Variants in HDAC4 observed in about 807,000 individuals in gnomAD.
The protein encoded by HDAC4 is histone deacetylase 4, also known as histone deacetylase A.
HDAC4 carries 16 observed loss-of-function variants against 135.1 expected under a neutral mutation model. The observed-to-expected ratio is 0.12, with a 90% CI of 0.08 to 0.18. The LOEUF (loss-of-function observed/expected upper bound fraction) is 0.18, where lower values mean the gene tolerates loss of function less well. Ranked by LOEUF, HDAC4 falls within the 10% of genes least tolerant of loss-of-function variation. HDAC4 has a pLI of 1.00. For missense variants in HDAC4, 1,143 were observed against 1,511.8 expected (o/e 0.76, Z 4.05); for synonymous variants, 685 against 653.4 (o/e 1.05, Z -0.74).
intron 15 of HDAC4, 113 bp from the exon 16 acceptor site, chr2:239,103,009 A>G: frequency 3.9e-6 from 5 of 1,292,644 alleles, no homozygotes; most frequent in Non-Finnish European, 5.5e-6. Flanking sequence ...AATTTGATAC[A>G]AAAACAAGCA....
intron 6 of HDAC4, among the ~76,000 whole-genome samples, chr2:239,158,533 C>T (rs1359074800): frequency 6.6e-6 from 1 of 152,098 alleles, no homozygotes; most frequent in African/African-American, 2.4e-5. Flanking sequence ...GTGTTAAAAT[C>T]CCCACTTTCC....
At chr2:239,148,204 A>G (rs1292030978) in intron 7 of HDAC4, among the ~76,000 whole-genome samples, 30 of 152,246 alleles carry the variant, frequency 2.0e-4, no homozygotes, top group Non-Finnish European at 4.4e-5. Context: ...GAAATCCTAA[A>G]GTGACACCAA....
At chr2:239,334,388 G>GC (rs1691784496) in intron 2 of HDAC4, among the ~76,000 whole-genome samples, 1 of 152,102 alleles carries the variant, frequency 6.6e-6, no homozygotes, top group Admixed American at 6.5e-5. Flanking sequence ...AGGCATGGTG[G>GC]CATGTGCCTG....
intron 1 of HDAC4, among the ~76,000 whole-genome samples, chr2:239,359,897 G>C (rs1224803779): frequency 6.6e-6 from 1 of 152,218 alleles, no homozygotes; most frequent in Non-Finnish European, 1.5e-5. Context: ...CTTCTTTCTG[G>C]AAACCGGCGA....
chr2:239,253,625 C>T (rs1173882265), intron 2 of HDAC4, among the ~76,000 whole-genome samples: 1 of 152,190 alleles, frequency 6.6e-6, no homozygotes, highest in Non-Finnish European at 1.5e-5. Flanking sequence ...TGCACTGACT[C>T]GATAAGGATC....
intron 2 of HDAC4, among the ~76,000 whole-genome samples, chr2:239,296,213 A>G (rs1429835936): frequency 6.6e-6 from 1 of 152,218 alleles, no homozygotes; most frequent in East Asian, 1.9e-4. Flanking sequence ...CAAAGCACAC[A>G]CACACACGCA....
Position 239,081,178 on chromosome 2 carries a change from G to A in HDAC4, c.2667C>T (p.Pro889=), listed in dbSNP as rs752236118. 107 of 1,613,232 alleles carry A rather than the reference G, an allele frequency of 6.6e-5. No individual in the cohort carries two copies. Among genetic ancestry groups the A allele is most frequent in the East Asian group, 1.8e-4 (8 of 44,880 alleles). Residue 889 remains proline (P), a synonymous_variant, in exon 22 of 27, where the codon CCC becomes CCT. Transcript: ENST00000543185. ...CCATGTTGACGTTGAAACCCACGCC[G>A]GGCCCTGTGCCCACCTGTGGCCAGA... ...SGAPDEVGTG[P]GVGFNVNMAF... is the part of the protein sequence containing the mutation.
chr2:239,087,881 C>T (rs2036137796), intron 18 of HDAC4, among the ~76,000 whole-genome samples: 1 of 152,186 alleles, frequency 6.6e-6, no homozygotes, highest in African/African-American at 2.4e-5. Flanking sequence ...GGTGCCTGCC[C>T]ACTCTCAGAA....
chr2:239,128,281 G>A (rs1405921140), intron 11 of HDAC4, among the ~76,000 whole-genome samples: 1 of 148,638 alleles, frequency 6.7e-6, no homozygotes, highest in Non-Finnish European at 1.5e-5. Flanking sequence ...GCGCGGTGGT[G>A]GCTGTAATCC....
At chr2:239,378,162 G>A (rs142522924) in intron 1 of HDAC4, among the ~76,000 whole-genome samples, 1 of 152,184 alleles carries the variant, frequency 6.6e-6, no homozygotes, top group African/African-American at 2.4e-5. Context: ...TCTGGCCCGG[G>A]AGACACCTCT....
In HDAC4 at chr2:239,338,451, C is replaced by T. The variant is rs548781235; in HGVS notation, c.22+14227G>A. Among the ~76,000 whole-genome samples, 84 of 152,236 alleles carry T rather than the reference C, an allele frequency of 5.5e-4. 2 individuals are homozygous for T. The South Asian group carries it at 0.015, about 27-fold the overall frequency. On this transcript the variant is annotated intron_variant, in intron 2 of 26. Transcript: ENST00000543185. Reference sequence around the variant, plus strand: ...CCAGTTATCCCTGAGATTCTCACACCGACCTTCGTCCAACCCCCTAGTGCA... The same window carrying T: ...CCAGTTATCCCTGAGATTCTCACACTGACCTTCGTCCAACCCCCTAGTGCA...
chr2:239,254,470 C>A (rs1315555279), intron 2 of HDAC4, among the ~76,000 whole-genome samples: 7 of 147,922 alleles, frequency 4.7e-5, no homozygotes. Flanking sequence ...AGGAAAAAAA[C>A]CTGGAAATGG....
chr2:239,381,869 G>T (rs1480903964), intron 1 of HDAC4, among the ~76,000 whole-genome samples: 3 of 152,184 alleles, frequency 2.0e-5, no homozygotes, highest in Non-Finnish European at 4.4e-5. Context: ...TCCTAGGCGA[G>T]AGATCCCCTA....
chr2:239,372,052 C>T (rs949448051), intron 1 of HDAC4, among the ~76,000 whole-genome samples: 1 of 152,206 alleles, frequency 6.6e-6, no homozygotes, highest in Non-Finnish European at 1.5e-5. Context: ...GAGGCATCCT[C>T]AAGGCCCCAG....
intron 1 of HDAC4, among the ~76,000 whole-genome samples, chr2:239,390,708 C>T (rs1217267262): frequency 6.6e-6 from 1 of 152,152 alleles, no homozygotes; most frequent in Non-Finnish European, 1.5e-5. Context: ...CACTGCCCTC[C>T]AGAGCGGCAC....
intron 12 of HDAC4, among the ~76,000 whole-genome samples, chr2:239,124,368 T>C (rs1404977398): frequency 2.6e-5 from 4 of 152,234 alleles, no homozygotes; most frequent in African/African-American, 9.6e-5. Context: ...AGTCTGTCTG[T>C]TGGGGACGTT....
rs146557415 is a variant in HDAC4, at chr2:239,309,731, C to T, written c.22+42947G>A. Among the ~76,000 whole-genome samples the T allele has an allele frequency of 1.3e-5, 2 of 152,322 alleles. No homozygotes were observed. The highest frequency in any genetic ancestry group is 4.8e-5 in the African/African-American group (2 of 41,586). On this transcript the variant is annotated intron_variant, in intron 2 of 26. Coordinates refer to ENST00000543185, the MANE Select transcript of HDAC4 (RefSeq NM_001378414.1). This position sits in a 1 kb window ranked among gnomAD's most constrained non-coding sequence, Gnocchi z 4.2. ...GGGAGCTGGGGGGCCTCAAGGGAGG[C>T]AATCCCCCCACACACCATCCCCTTC...
intron 16 of HDAC4, 56 bp from the exon 17 acceptor site, chr2:239,095,112 G>C (rs956827514): frequency 4.4e-6 from 7 of 1,599,360 alleles, no homozygotes; most frequent in African/African-American, 1.3e-5. Context: ...CAAGGTGCTC[G>C]ACAGGCCCTG....
Position 239,367,057 on chromosome 2 carries a change from G to A in HDAC4, c.-219-14139C>T, listed in dbSNP as rs769743120. On this transcript the variant is annotated intron_variant, in intron 1 of 26. Transcript: ENST00000543185. Reference sequence around the variant, plus strand: ...CAACCCTTTGACAAAAGACCCTATCGGCCAAATAAGTGATCAGCCCCCAGG... The same window carrying A: ...CAACCCTTTGACAAAAGACCCTATCAGCCAAATAAGTGATCAGCCCCCAGG... Among the ~76,000 whole-genome samples, 58 of 136,692 alleles carry A rather than the reference G, an allele frequency of 4.2e-4. 1 individual carries two copies. The highest frequency in any genetic ancestry group is 4.3e-4 in the Non-Finnish European group (29 of 67,886). The allele number at this position is 136,692 out of a possible 152,430, so 89.7% of individuals were successfully genotyped here. A position where few individuals can be genotyped will look rare whatever the true frequency, so the allele number is the denominator to read the frequency against.
Sources: allele counts gnomAD v4.1 joint callset (sites outside exome capture counted in the v4.1 genomes callset), GRCh38; gene constraint gnomAD v4.1.1; non-coding constraint Gnocchi (gnomAD v3.1); transcripts MANE v1.5; gene names NCBI Gene and HGNC (gene_info 2026-07-23, HGNC 2026-07-21).